Variants in FRMD4A observed in about 807,000 individuals in gnomAD.
The protein encoded by FRMD4A is FERM domain containing 4A.
FRMD4A carries 29 observed loss-of-function variants against 129.1 expected under a neutral mutation model. The observed-to-expected ratio is 0.22, with a 90% CI of 0.17 to 0.31. The LOEUF (loss-of-function observed/expected upper bound fraction) is 0.31. Ranked by LOEUF, FRMD4A falls within the 10% of genes least tolerant of loss-of-function variation. The pLI is 1.00. For missense variants in FRMD4A, 1,272 were observed against 1,375.8 expected (o/e 0.92, Z 1.19); for synonymous variants, 634 against 571.6 (o/e 1.11, Z -1.56).
At chr10:13,919,248 G>T (rs995201801) in intron 2 of FRMD4A, among the ~76,000 whole-genome samples, 1 of 152,192 alleles carries the variant, frequency 6.6e-6, no homozygotes, top group Non-Finnish European at 1.5e-5. Flanking sequence ...CCAGTTGTCC[G>T]TGACTTTGTT....
chr10:13,962,847 C>T (rs1241746882), intron 2 of FRMD4A, among the ~76,000 whole-genome samples: 3 of 152,100 alleles, frequency 2.0e-5, no homozygotes, highest in African/African-American at 4.8e-5. Flanking sequence ...TAATTGTAAA[C>T]CTCCAAACAA....
intron 8 of FRMD4A, among the ~76,000 whole-genome samples, chr10:13,753,562 T>TTTTG (rs2091728937): frequency 1.3e-5 from 2 of 149,272 alleles, no homozygotes; most frequent in South Asian, 2.2e-4. Context: ...TTTTTTTTTT[T>TTTTG]GAGACAGGGT....
At chr10:13,835,524 C>T (rs927988953) in intron 3 of FRMD4A, among the ~76,000 whole-genome samples, 11 of 152,116 alleles carry the variant, frequency 7.2e-5, no homozygotes, top group African/African-American at 2.7e-4. Context: ...CCCCATCGCG[C>T]ATTATTGCCT....
chr10:14,259,222 A>G (rs541963510), intron 2 of FRMD4A, among the ~76,000 whole-genome samples: 1 of 152,346 alleles, frequency 6.6e-6, no homozygotes, highest in East Asian at 1.9e-4. Flanking sequence ...AATAAGAAGT[A>G]CTTGTAATAA....
intron 2 of FRMD4A, among the ~76,000 whole-genome samples, chr10:14,018,515 A>G (rs2095706466): frequency 6.6e-6 from 1 of 151,630 alleles, no homozygotes; most frequent in Admixed American, 6.6e-5. Flanking sequence ...TGCATACTAT[A>G]GAACAATATA....
chr10:13,690,676 C>T (rs2085598120), intron 15 of FRMD4A, among the ~76,000 whole-genome samples: 1 of 152,146 alleles, frequency 6.6e-6, no homozygotes, highest in South Asian at 2.1e-4. Flanking sequence ...TCTTCTTGCT[C>T]AGCTGTGCAG....
At chr10:13,982,327 T>TA (rs796613576) in intron 2 of FRMD4A, among the ~76,000 whole-genome samples, 3 of 151,338 alleles carry the variant, frequency 2.0e-5, no homozygotes, top group South Asian at 2.1e-4. Flanking sequence ...CTGCAAAAAA[T>TA]AAAAAATTAG....
At position 14,000,146 on chromosome 10, in the gene FRMD4A, A is replaced by C. The variant is rs572036656; in HGVS notation, c.46-141234T>G. Among the ~76,000 whole-genome samples, 329 of 152,340 alleles carry C rather than the reference A, an allele frequency of 2.2e-3. 2 individuals carry two copies. The highest frequency in any genetic ancestry group is 3.7e-3 in the Admixed American group (57 of 15,300). On this transcript the variant is annotated intron_variant, in intron 2 of 24. Transcript: ENST00000357447. ...GTTCATCCACTCCCAGATTAGAATA[A>C]AGATCCATTGCACAGTTTCTTCTAT...
At chr10:13,702,990 G>C (rs77576774) in intron 13 of FRMD4A, among the ~76,000 whole-genome samples, 5 of 151,452 alleles carry the variant, frequency 3.3e-5, no homozygotes, top group Admixed American at 1.3e-4. Context: ...CAGGGAGAGA[G>C]CGAGGGGGAG....
chr10:14,113,288 AC>A (rs1838021337), intron 2 of FRMD4A, among the ~76,000 whole-genome samples: 1 of 152,068 alleles, frequency 6.6e-6, no homozygotes, highest in Admixed American at 6.5e-5. Context: ...AGCAAAACCA[AC>A]CTCTCCTCTT....
At chr10:14,039,347 C>G (rs1189538505) in intron 2 of FRMD4A, among the ~76,000 whole-genome samples, 1 of 151,078 alleles carries the variant, frequency 6.6e-6, no homozygotes, top group Non-Finnish European at 1.5e-5. Context: ...TTTTCTTGCT[C>G]ACTTTCTGAT....
intron 2 of FRMD4A, among the ~76,000 whole-genome samples, chr10:14,115,483 C>T (rs1838153073): frequency 6.6e-6 from 1 of 152,176 alleles, no homozygotes. Context: ...TTCTCCTCTC[C>T]CTTACTCATA....
At chr10:13,827,378 T>G (rs1257962272) in intron 3 of FRMD4A, among the ~76,000 whole-genome samples, 1 of 152,182 alleles carries the variant, frequency 6.6e-6, no homozygotes, top group Admixed American at 6.5e-5. Context: ...GGGGCAGATT[T>G]CAAGCCCATC....
intron 2 of FRMD4A, among the ~76,000 whole-genome samples, chr10:14,006,909 C>T (rs572023008): frequency 8.6e-5 from 13 of 152,014 alleles, no homozygotes; most frequent in South Asian, 2.1e-4. Context: ...AAATAAAGAC[C>T]GACACACAAC....
intron 2 of FRMD4A, among the ~76,000 whole-genome samples, chr10:13,893,982 C>T (rs1402950751): frequency 6.6e-6 from 1 of 152,188 alleles, no homozygotes; most frequent in Non-Finnish European, 1.5e-5. Flanking sequence ...TCCTAGTAAA[C>T]AGCATGCTCC....
chr10:13,809,114 C>T (rs751473580), intron 4 of FRMD4A, among the ~76,000 whole-genome samples: 12 of 152,308 alleles, frequency 7.9e-5, no homozygotes, highest in South Asian at 4.1e-4. Flanking sequence ...CCTGCTGTGA[C>T]GTGTGGTTTT....
rs577788041 is a variant in FRMD4A at position 13,993,904 on chromosome 10, C to G, written c.46-134992G>C. ...CTAGGATTATGCTGCAGCTGGAGGGCCTGAGGATCTATTTTAAGATTAGTT... is the reference window on the plus strand; with the variant it reads ...CTAGGATTATGCTGCAGCTGGAGGGGCTGAGGATCTATTTTAAGATTAGTT... On this transcript the variant is annotated intron_variant, in intron 2 of 24. Transcript: ENST00000357447. Among the ~76,000 whole-genome samples, 10 of 151,624 alleles carry G rather than the reference C, an allele frequency of 6.6e-5. No homozygotes were observed. The South Asian group carries it at 2.1e-3, about 32-fold the overall frequency.
intron 2 of FRMD4A, among the ~76,000 whole-genome samples, chr10:13,940,599 A>C (rs942381302): frequency 6.6e-6 from 1 of 152,176 alleles, no homozygotes; most frequent in African/African-American, 2.4e-5. Context: ...ATGAGCCTGC[A>C]ACAGGAATGG....
At chr10:13,905,931 C>T (rs892556385) in intron 2 of FRMD4A, among the ~76,000 whole-genome samples, 4 of 152,178 alleles carry the variant, frequency 2.6e-5, no homozygotes, top group African/African-American at 7.2e-5. Flanking sequence ...GAAGTTTAAG[C>T]GCCAAAAATC....
Sources: allele counts gnomAD v4.1 joint callset (sites outside exome capture counted in the v4.1 genomes callset), GRCh38; gene constraint gnomAD v4.1.1; transcripts MANE v1.5; gene names NCBI Gene and HGNC (gene_info 2026-07-23, HGNC 2026-07-21).